Variants in GM2A observed in about 807,000 individuals in gnomAD.
GM2A encodes the protein GM2 ganglioside activator.
In GM2A, 7 loss-of-function variants were observed where a neutral mutation model predicts 12.9. That is an observed-to-expected ratio of 0.54 (90% confidence interval 0.31 to 1.02). GM2A has a LOEUF of 1.02. Ranked by LOEUF, GM2A falls within the 50% of genes least tolerant of loss-of-function variation. The pLI is 0.05. For synonymous variants in GM2A, 101 were observed against 96.0 expected (o/e 1.05, Z -0.30); for missense variants, 246 against 241.0 (o/e 1.02, Z -0.14).
At position 151,269,957 on chromosome 5, in the gene GM2A, G is replaced by A; in HGVS notation, c.*2506G>A. 1 of 1,212,066 alleles carries A rather than the reference G, an allele frequency of 8.3e-7. No homozygotes were observed. Among genetic ancestry groups the A allele is most frequent in the Non-Finnish European group, 1.0e-6 (1 of 975,990 alleles). The allele number at this position is 1,212,066 out of a possible 1,614,324, so 75.1% of individuals were successfully genotyped here. A position where few individuals can be genotyped will look rare whatever the true frequency, so the allele number is the denominator to read the frequency against. On this transcript the variant is annotated 3_prime_UTR_variant, in exon 4 of 4. Coordinates refer to ENST00000357164, the MANE Select transcript of GM2A (RefSeq NM_000405.5). ...GGGATCTGACACCTCACCTGGCAATGACCTCCACAGCCGTTTCCCTCTGTT... is the reference window on the plus strand; with the variant it reads ...GGGATCTGACACCTCACCTGGCAATAACCTCCACAGCCGTTTCCCTCTGTT...
chr5:151,270,077 C>T lies in GM2A; in HGVS notation c.*2626C>T. The stretch of plus-strand genomic sequence containing the variant: ...TTAATCTTTTTATGTCTGCTCTGCT[C>T]TTGGGTCATATGTTCCGTGAGGTTT... On this transcript the variant is annotated 3_prime_UTR_variant, in exon 4 of 4. Coordinates refer to ENST00000357164, the MANE Select transcript of GM2A (RefSeq NM_000405.5). 2.4e-6 allele frequency: 3 copies of T among 1,230,834 alleles called. No homozygotes were observed. Among genetic ancestry groups the T allele is most frequent in the Non-Finnish European group, 3.0e-6 (3 of 987,866 alleles). The allele number at this position is 1,230,834 out of a possible 1,614,324, so 76.2% of individuals were successfully genotyped here.
intron 1 of GM2A, 112 bp from the exon 2 acceptor site, chr5:151,259,643 G>T: frequency 1.1e-6 from 1 of 879,950 alleles, no homozygotes; most frequent in Non-Finnish European, 1.9e-6. Flanking sequence ...CAGGGACGGG[G>T]GTGCCTCACC....
At chr5:151,260,239 A>G (rs1753770502) in intron 2 of GM2A, among the ~76,000 whole-genome samples, 1 of 152,216 alleles carries the variant, frequency 6.6e-6, no homozygotes, top group Non-Finnish European at 1.5e-5. Context: ...TGGTTGGCCA[A>G]TTTGGTTTTG....
At position 151,253,604 on chromosome 5, in the gene GM2A, T is replaced by A. The variant is rs76463159; in HGVS notation, c.81+307T>A. ...TAAGGCATTGCCCCCAGAGATTCAG[T>A]CCTGTTAACCCTGCACCTTACTCCT... On this transcript the variant is annotated intron_variant, in intron 1 of 3. Coordinates refer to ENST00000357164, the MANE Select transcript of GM2A (RefSeq NM_000405.5). Among the ~76,000 whole-genome samples, 764 of 151,696 alleles carry A rather than the reference T, an allele frequency of 5.0e-3. 2 individuals are homozygous for A. The highest frequency in any genetic ancestry group is 0.018 in the African/African-American group (729 of 41,306).
At chr5:151,261,855 T>G (rs1222879098) in intron 2 of GM2A, among the ~76,000 whole-genome samples, 1 of 152,270 alleles carries the variant, frequency 6.6e-6, no homozygotes, top group Non-Finnish European at 1.5e-5. Context: ...ATTATAGGCT[T>G]GAGCCACTGT....
intron 2 of GM2A, among the ~76,000 whole-genome samples, chr5:151,260,350 G>T (rs1336035695): frequency 2.6e-5 from 4 of 152,230 alleles, no homozygotes; most frequent in Admixed American, 2.0e-4. Flanking sequence ...AGGTGTGGTG[G>T]CTCATGCCTG....
chr5:151,254,288 G>A (rs1307600173), intron 1 of GM2A, among the ~76,000 whole-genome samples: 1 of 152,162 alleles, frequency 6.6e-6, no homozygotes, highest in African/African-American at 2.4e-5. Flanking sequence ...TGGGATAATG[G>A]CTCATATGGT....
At chr5:151,262,227 C>G (rs2127237173) in intron 2 of GM2A, among the ~76,000 whole-genome samples, 1 of 152,356 alleles carries the variant, frequency 6.6e-6, no homozygotes, top group Non-Finnish European at 1.5e-5. Context: ...CCTTTCCTCT[C>G]TAGCTAAAAT....
chr5:151,253,453 G>A (rs1308886578), intron 1 of GM2A, among the ~76,000 whole-genome samples, 156 bp downstream of exon 1: 1 of 152,180 alleles, frequency 6.6e-6, no homozygotes, highest in Non-Finnish European at 1.5e-5. Context: ...ATTCTGGTCT[G>A]TACAATGAGG....
At chr5:151,255,475 G>A (rs1426347852) in intron 1 of GM2A, among the ~76,000 whole-genome samples, 1 of 152,146 alleles carries the variant, frequency 6.6e-6, no homozygotes, top group Non-Finnish European at 1.5e-5. Flanking sequence ...GGGAAAGCGG[G>A]TGATACTGAA....
Position 151,269,253 on chromosome 5 carries a change from T to G in GM2A, c.*1802T>G. ...TTTTAACTTGCGGACAGTTTCCCCTTGCCTTGGCTGCATATTTCACTGATC... is the reference window on the plus strand; with the variant it reads ...TTTTAACTTGCGGACAGTTTCCCCTGGCCTTGGCTGCATATTTCACTGATC... On this transcript the variant is annotated 3_prime_UTR_variant, in exon 4 of 4. Coordinates refer to ENST00000357164, the MANE Select transcript of GM2A (RefSeq NM_000405.5). 5 of 985,478 alleles carry G rather than the reference T, an allele frequency of 5.1e-6. No homozygotes were observed. The highest frequency in any genetic ancestry group is 6.0e-6 in the Non-Finnish European group (5 of 829,952). The allele number at this position is 985,478 out of a possible 1,614,324, so 61.0% of individuals were successfully genotyped here. A position where few individuals can be genotyped will look rare whatever the true frequency, so the allele number is the denominator to read the frequency against.
chr5:151,253,212 T>C lies in GM2A; in HGVS notation c.-5T>C. On this transcript the variant is annotated 5_prime_UTR_variant, in exon 1 of 4. Transcript: ENST00000357164. ...AGTTAACTCCGCCCTGACCCACCCT[T>C]CCCGATGCAGTCCCTGATGCAGGCT... 1 of 1,613,090 alleles carries C rather than the reference T, an allele frequency of 6.2e-7. No individual in the cohort carries two copies. The highest frequency in any genetic ancestry group is 8.5e-7 in the Non-Finnish European group (1 of 1,179,084).
Position 151,253,250 on chromosome 5 carries a change from G to A in GM2A, c.34G>A (p.Ala12Thr). 1 of 1,613,964 alleles carries A rather than the reference G, an allele frequency of 6.2e-7. No individual in the cohort carries two copies. Among genetic ancestry groups the A allele is most frequent in the Non-Finnish European group, 8.5e-7 (1 of 1,179,942 alleles). The change falls in exon 1 of 4, where the codon GCC becomes ACC. Residue 12 changes from alanine to threonine, a missense_variant. Physicochemically the swap from Ala to Thr is moderately conservative, Grantham distance 58 (BLOSUM62 0). Transcript: ENST00000357164. Reference sequence around the variant, plus strand: ...CCTGATGCAGGCTCCCCTCCTGATCGCCCTGGGCTTGCTTCTCGCGGCCCC... The same window carrying A: ...CCTGATGCAGGCTCCCCTCCTGATCACCCTGGGCTTGCTTCTCGCGGCCCC... ...QSLMQAPLLIALGLLLAAPAQ... is the reference protein window; with the variant it reads ...QSLMQAPLLITLGLLLAAPAQ...
At chr5:151,257,334 G>A (rs548130950) in intron 1 of GM2A, among the ~76,000 whole-genome samples, 8 of 152,138 alleles carry the variant, frequency 5.3e-5, no homozygotes, top group South Asian at 2.1e-4. Context: ...ATCTTGTTAC[G>A]TCTCCCCCAG....
chr5:151,264,801 G>A (rs1427880361), intron 2 of GM2A, among the ~76,000 whole-genome samples: 1 of 152,130 alleles, frequency 6.6e-6, no homozygotes, highest in Admixed American at 6.5e-5. Context: ...CCAACATGGT[G>A]AAACCCCATC....
Position 151,268,876 on chromosome 5 carries a change from A to G in GM2A, c.*1425A>G, listed in dbSNP as rs2127242953. 1.0e-6 allele frequency: 1 copy of G among 985,436 alleles called. No homozygotes were observed. Among genetic ancestry groups the G allele is most frequent in the East Asian group, 1.1e-4 (1 of 8,822 alleles). The allele number at this position is 985,436 out of a possible 1,614,324, so 61.0% of individuals were successfully genotyped here. ...CAGACCGTGCATGCCTTGTCCTCTT[A>G]AGACAACTCCTGTGGCACCGTTTCT... is the stretch of plus-strand genomic sequence containing the variant. On this transcript the variant is annotated 3_prime_UTR_variant, in exon 4 of 4. Coordinates refer to ENST00000357164, the MANE Select transcript of GM2A (RefSeq NM_000405.5).
At position 151,266,778 on chromosome 5, in the gene GM2A, C is replaced by A; in HGVS notation, c.291C>A (p.Ile97=). The A allele has an allele frequency of 6.2e-7, 1 of 1,613,732 alleles. No individual in the cohort carries two copies. The highest frequency in any genetic ancestry group is 8.5e-7 in the Non-Finnish European group (1 of 1,179,640). ...EKEVAGLWIK[I]PCTDYIGSCT... is the part of the protein sequence containing the mutation. ...AGGTGGCTGGCCTCTGGATCAAGAT[C>A]CCATGCACAGACTACATTGGCAGCT... Residue 97 remains isoleucine (I), a synonymous_variant, in exon 3 of 4, where the codon ATC becomes ATA. Coordinates refer to ENST00000357164, the MANE Select transcript of GM2A (RefSeq NM_000405.5).
rs980871303 is a variant in GM2A at position 151,268,811 on chromosome 5, C to T, written c.*1360C>T. On this transcript the variant is annotated 3_prime_UTR_variant, in exon 4 of 4. Coordinates refer to ENST00000357164, the MANE Select transcript of GM2A (RefSeq NM_000405.5). Reference sequence around the variant, plus strand: ...GCTGTGCAGTGTGATGTGTCCCAAACGGACTGGCTCATGGGTGGCCACGTC... The same window carrying T: ...GCTGTGCAGTGTGATGTGTCCCAAATGGACTGGCTCATGGGTGGCCACGTC... 8 of 935,356 alleles carry T rather than the reference C, an allele frequency of 8.6e-6. No individual in the cohort carries two copies. Among genetic ancestry groups the T allele is most frequent in the Non-Finnish European group, 1.0e-5 (8 of 784,542 alleles). 57.9% of individuals were successfully genotyped at this position (935,356 alleles called of 1,614,324 possible).
intron 1 of GM2A, among the ~76,000 whole-genome samples, chr5:151,256,479 C>T (rs1434517567): frequency 1.3e-5 from 2 of 152,046 alleles, no homozygotes; most frequent in Admixed American, 6.5e-5. Context: ...GTGGCGTACA[C>T]CTGTAGTCCC....
Sources: allele counts gnomAD v4.1 joint callset (sites outside exome capture counted in the v4.1 genomes callset), GRCh38; gene constraint gnomAD v4.1.1; transcripts MANE v1.5; gene names NCBI Gene and HGNC (gene_info 2026-07-23, HGNC 2026-07-21).